The following RSU1 variants were observed in gnomAD, a reference collection of about 807,000 sequenced individuals.
The protein encoded by RSU1 is Ras suppressor protein 1.
Under a neutral mutation model 31.1 loss-of-function variants are expected in RSU1, and 26 were observed. The observed-to-expected ratio is 0.84, with a 90% CI of 0.61 to 1.16. The LOEUF (loss-of-function observed/expected upper bound fraction) is 1.16. Among genes scored for constraint, RSU1 ranks in the 50% most tolerant of loss-of-function variants. The pLI is 0.00. For synonymous variants in RSU1, 164 were observed against 136.3 expected, an observed-to-expected ratio of 1.20 and a Z score of -1.41; for missense variants, 320 against 339.1, an observed-to-expected ratio of 0.94 and a Z score of 0.44.
chr10:16,593,392 C>T lies in RSU1; in HGVS notation c.*2G>A, dbSNP rs765900400. 25 of 1,613,944 alleles carry T rather than the reference C, an allele frequency of 1.5e-5. No homozygotes were observed. The highest frequency in any genetic ancestry group is 1.7e-5 in the Non-Finnish European group (20 of 1,179,988). On this transcript the variant is annotated 3_prime_UTR_variant, in exon 9 of 9. Coordinates refer to ENST00000345264, the MANE Select transcript of RSU1 (RefSeq NM_012425.4). ...GAAGGCCAGCCGATGCCAATCCCTT[C>T]CTTATCTGTTCTTGGCTGCCAGGGG...
intron 8 of RSU1, among the ~76,000 whole-genome samples, chr10:16,668,483 A>G (rs954404900): frequency 6.6e-6 from 1 of 152,214 alleles, no homozygotes; most frequent in African/African-American, 2.4e-5. Flanking sequence ...TTGGAACTCA[A>G]TTTCATCATC....
At chr10:16,686,217 T>C (rs765002472) in intron 8 of RSU1, among the ~76,000 whole-genome samples, 14 of 152,210 alleles carry the variant, frequency 9.2e-5, no homozygotes, top group South Asian at 2.1e-4. Flanking sequence ...AACAAGTTAT[T>C]ACTGTGTAGA....
intron 8 of RSU1, among the ~76,000 whole-genome samples, chr10:16,622,439 A>T (rs1267263989): frequency 1.3e-5 from 2 of 152,252 alleles, no homozygotes; most frequent in Non-Finnish European, 2.9e-5. Context: ...TTAGAACAGC[A>T]GGCAGAGTTC....
At chr10:16,656,953 C>T (rs538391156) in intron 8 of RSU1, among the ~76,000 whole-genome samples, 15 of 152,242 alleles carry the variant, frequency 9.9e-5, no homozygotes, top group Non-Finnish European at 1.3e-4. Context: ...ATAGAAGAAC[C>T]GTCCACACAA....
chr10:16,593,129 A>G lies in RSU1; in HGVS notation c.*265T>C. On this transcript the variant is annotated 3_prime_UTR_variant, in exon 9 of 9. Transcript: ENST00000345264. ...TATTCAAGAAAAGCCAGAGCCCACT[A>G]TGGAATTCGCAGTTGAATAAGAGCT... 2.5e-6 allele frequency: 1 copy of G among 392,598 alleles called. No homozygotes were observed. The highest frequency in any genetic ancestry group is 4.3e-6 in the Non-Finnish European group (1 of 231,544). The allele number at this position is 392,598 out of a possible 1,614,324, so 24.3% of individuals were successfully genotyped here. A position where few individuals can be genotyped will look rare whatever the true frequency, so the allele number is the denominator to read the frequency against.
At chr10:16,755,867 T>A (rs1475996626) in intron 4 of RSU1, among the ~76,000 whole-genome samples, 1 of 152,210 alleles carries the variant, frequency 6.6e-6, no homozygotes, top group Non-Finnish European at 1.5e-5. Flanking sequence ...AGGCTAATAA[T>A]TTCAGTCAGA....
chr10:16,672,623 T>A (rs989928692), intron 8 of RSU1, among the ~76,000 whole-genome samples: 4 of 152,006 alleles, frequency 2.6e-5, no homozygotes, highest in Non-Finnish European at 5.9e-5. Context: ...TGTTTTTTTT[T>A]AAATAGAGTA....
chr10:16,800,340 G>T (rs567838717), intron 2 of RSU1, among the ~76,000 whole-genome samples: 11 of 152,248 alleles, frequency 7.2e-5, no homozygotes, highest in South Asian at 2.1e-4. Context: ...AATGGAAAAA[G>T]TAGACAACAT....
chr10:16,695,168 A>AG lies in RSU1; in HGVS notation c.599-14_599-13insC, dbSNP rs1835650930. The AG allele has an allele frequency of 1.7e-5, 20 of 1,148,526 alleles. No individual in the cohort carries two copies. Among genetic ancestry groups the AG allele is most frequent in the Middle Eastern group, 2.4e-4 (1 of 4,176 alleles). The allele number at this position is 1,148,526 out of a possible 1,614,324, so 71.1% of individuals were successfully genotyped here. On this transcript the variant is annotated splice_polypyrimidine_tract_variant and intron_variant, in intron 7 of 8. Coordinates refer to ENST00000345264, the MANE Select transcript of RSU1 (RefSeq NM_012425.4). ...AAATCCAAGTTTCCTGGGGGGGGGG[A>AG]AAAAAAAAGTGAAGGTCACTTCATC...
intron 2 of RSU1, among the ~76,000 whole-genome samples, chr10:16,794,951 C>T (rs1449385456): frequency 6.6e-6 from 1 of 152,182 alleles, no homozygotes; most frequent in East Asian, 1.9e-4. Context: ...ACAAATTCCT[C>T]ATCTTTAAAA....
At chr10:16,667,832 A>T (rs1835026469) in intron 8 of RSU1, among the ~76,000 whole-genome samples, 1 of 152,188 alleles carries the variant, frequency 6.6e-6, no homozygotes, top group Non-Finnish European at 1.5e-5. Context: ...AACTATATTC[A>T]ATGAGCCTGC....
intron 8 of RSU1, among the ~76,000 whole-genome samples, chr10:16,671,274 G>A (rs1240436084): frequency 6.6e-6 from 1 of 152,064 alleles, no homozygotes; most frequent in African/African-American, 2.4e-5. Flanking sequence ...GAACTCCTGG[G>A]TTCAAGTGAT....
At chr10:16,755,597 T>C (rs1837068972) in intron 4 of RSU1, among the ~76,000 whole-genome samples, 1 of 152,152 alleles carries the variant, frequency 6.6e-6, no homozygotes, top group African/African-American at 2.4e-5. Flanking sequence ...TTTTTTGTCT[T>C]TTGTGGTGAG....
intron 2 of RSU1, among the ~76,000 whole-genome samples, chr10:16,783,651 GC>G (rs1334299359): frequency 7.2e-6 from 1 of 139,148 alleles, no homozygotes; most frequent in Admixed American, 7.2e-5. Flanking sequence ...ACCGAGTCCG[GC>G]CGCATGTTTT....
Position 16,596,174 on chromosome 10 carries a change from C to G in RSU1, c.732-2678G>C, listed in dbSNP as rs916744928. ...CCAACCTTGTCTCTGTTGCTGCCCC[C>G]AATTTCCAAAGATACCTGTGTTCAA... On this transcript the variant is annotated intron_variant, in intron 8 of 8. Transcript: ENST00000345264. 2.6e-5 allele frequency among the ~76,000 whole-genome samples: 4 copies of G among 152,072 alleles called. No individual in the cohort carries two copies. The South Asian group carries it at 6.2e-4, about 24-fold the overall frequency.
intron 8 of RSU1, among the ~76,000 whole-genome samples, chr10:16,669,473 C>A (rs1835065975): frequency 6.6e-6 from 1 of 152,122 alleles, no homozygotes; most frequent in Non-Finnish European, 1.5e-5. Flanking sequence ...TGGCTACTTA[C>A]CCACCCCAGG....
intron 4 of RSU1, among the ~76,000 whole-genome samples, chr10:16,755,584 AT>A (rs151063814): frequency 6.6e-6 from 1 of 151,622 alleles, no homozygotes; most frequent in East Asian, 1.9e-4. Flanking sequence ...TATGCTTGTC[AT>A]TTTTTTTGTC....
At chr10:16,690,638 G>A (rs1408226777) in intron 8 of RSU1, among the ~76,000 whole-genome samples, 1 of 152,132 alleles carries the variant, frequency 6.6e-6, no homozygotes, top group African/African-American at 2.4e-5. Flanking sequence ...TCCTCTTGGA[G>A]TCCATTAGAG....
chr10:16,673,250 C>T (rs1835151082), intron 8 of RSU1, among the ~76,000 whole-genome samples: 2 of 150,856 alleles, frequency 1.3e-5, no homozygotes. Flanking sequence ...TACTGTGGTT[C>T]TGACAATTGC....
Sources: gnomAD v4.1 joint callset for allele counts (sites outside exome capture counted in the v4.1 genomes callset) on GRCh38, gnomAD v4.1.1 for gene constraint, MANE v1.5 for transcripts, NCBI Gene and HGNC (gene_info 2026-07-23, HGNC 2026-07-21) for gene names.